CDH13: variants seen among roughly 807,000 people sequenced by gnomAD.
CDH13 encodes the protein cadherin 13, also known as cadherin-13.
A neutral mutation model predicts 63.8 loss-of-function variants in CDH13; 24 were observed. The observed-to-expected ratio is 0.38, with a 90% CI of 0.27 to 0.53. CDH13 has a LOEUF of 0.53. Among genes scored for constraint, CDH13 ranks in the 20% least tolerant of loss-of-function variants. The pLI is 0.85. For synonymous variants in CDH13, 503 were observed against 355.3 expected (o/e 1.42, Z -4.67); for missense variants, 1,049 against 903.1 (o/e 1.16, Z -2.07).
rs761474092 is a variant in CDH13 at position 83,375,732 on chromosome 16, G to A, written c.781+30726G>A. On this transcript the variant is annotated intron_variant, in intron 6 of 13. Coordinates refer to ENST00000567109, the MANE Select transcript of CDH13 (RefSeq NM_001257.5). ...GAAAGTGATTGGTAATCTGAGTCTTGAGGGAACCCCTTCTGGATAGCATGA... is the reference window on the plus strand; with the variant it reads ...GAAAGTGATTGGTAATCTGAGTCTTAAGGGAACCCCTTCTGGATAGCATGA... Among the ~76,000 whole-genome samples, 5 of 152,306 alleles carry A rather than the reference G, an allele frequency of 3.3e-5. No homozygotes were observed. In the South Asian group the frequency reaches 6.2e-4, roughly 19 times the overall value.
At chr16:83,702,005 A>G (rs1475480895) in intron 10 of CDH13, among the ~76,000 whole-genome samples, 1 of 152,200 alleles carries the variant, frequency 6.6e-6, no homozygotes, top group Non-Finnish European at 1.5e-5. Context: ...TACCTAGAGG[A>G]TTAAATAGGC....
At chr16:83,144,777 A>G (rs2036677031) in intron 4 of CDH13, among the ~76,000 whole-genome samples, 1 of 152,250 alleles carries the variant, frequency 6.6e-6, no homozygotes, top group Non-Finnish European at 1.5e-5. Context: ...AGATTCTGTG[A>G]GCAGAAGACT....
At chr16:83,658,451 C>G (rs1223386791) in intron 8 of CDH13, among the ~76,000 whole-genome samples, 3 of 145,672 alleles carry the variant, frequency 2.1e-5, no homozygotes, top group Admixed American at 1.3e-4. Flanking sequence ...CATATCCTCA[C>G]CAGCAAGGTC....
At chr16:83,080,393 A>G (rs2033148990) in intron 3 of CDH13, among the ~76,000 whole-genome samples, 1 of 152,208 alleles carries the variant, frequency 6.6e-6, no homozygotes. Context: ...GTATTTATTC[A>G]AGAATTAAAT....
At chr16:82,979,474 G>C (rs1175674841) in intron 2 of CDH13, among the ~76,000 whole-genome samples, 1 of 152,040 alleles carries the variant, frequency 6.6e-6, no homozygotes, top group South Asian at 2.1e-4. Flanking sequence ...TGGATCATGG[G>C]GGTGGTTACC....
chr16:82,710,043 A>G (rs1176536201), intron 1 of CDH13, among the ~76,000 whole-genome samples: 1 of 151,470 alleles, frequency 6.6e-6, no homozygotes, highest in Non-Finnish European at 1.5e-5. Flanking sequence ...AAATAAAAGT[A>G]TGCATACACA....
chr16:82,658,466 C>T (rs923169536), intron 1 of CDH13, among the ~76,000 whole-genome samples: 1 of 152,210 alleles, frequency 6.6e-6, no homozygotes, highest in African/African-American at 2.4e-5. Flanking sequence ...AATATACTTA[C>T]TTTTCTTCAT....
Position 83,282,286 on chromosome 16 carries a change from G to T in CDH13, c.637-62576G>T, listed in dbSNP as rs959768749. On this transcript the variant is annotated intron_variant, in intron 5 of 13. Coordinates refer to ENST00000567109, the MANE Select transcript of CDH13 (RefSeq NM_001257.5). ...AATGAAAAATGTTAAAATATTGCCA[G>T]AATTACCAAAATATGATACCAAAAC... Among the ~76,000 whole-genome samples, 5 of 152,252 alleles carry T rather than the reference G, an allele frequency of 3.3e-5. No homozygotes were observed. The East Asian group carries it at 5.8e-4, about 18-fold the overall frequency.
At chr16:83,285,290 A>T (rs772255647) in intron 5 of CDH13, among the ~76,000 whole-genome samples, 1 of 152,268 alleles carries the variant, frequency 6.6e-6, no homozygotes, top group Middle Eastern at 3.4e-3. Context: ...ACCTGGTCCT[A>T]GTCAATTTCT....
intron 13 of CDH13, among the ~76,000 whole-genome samples, chr16:83,789,291 GAGA>G (rs2151018411): frequency 6.6e-6 from 1 of 152,002 alleles, no homozygotes; most frequent in African/African-American, 2.4e-5. Context: ...GCAAGGATTG[GAGA>G]AGGAGGAGGG....
chr16:82,867,903 C>T (rs765994587), intron 2 of CDH13, among the ~76,000 whole-genome samples: 1 of 152,152 alleles, frequency 6.6e-6, no homozygotes, highest in Non-Finnish European at 1.5e-5. Flanking sequence ...TATCTGTCTA[C>T]ATTCTCTATC....
At chr16:83,350,399 C>G (rs769189174) in intron 6 of CDH13, among the ~76,000 whole-genome samples, 1 of 152,212 alleles carries the variant, frequency 6.6e-6, no homozygotes, top group Non-Finnish European at 1.5e-5. Context: ...TAAAGGTGCA[C>G]GTTCTGTGTC....
chr16:83,276,667 G>C (rs1380295587), intron 5 of CDH13, among the ~76,000 whole-genome samples: 3 of 152,006 alleles, frequency 2.0e-5, no homozygotes, highest in African/African-American at 7.3e-5. Flanking sequence ...TCGGGAGATC[G>C]AGACCATCCT....
chr16:82,784,827 C>T (rs993564505), intron 1 of CDH13, among the ~76,000 whole-genome samples: 3 of 152,228 alleles, frequency 2.0e-5, no homozygotes, highest in Non-Finnish European at 2.9e-5. Flanking sequence ...GAAGTGGGAC[C>T]AGCAGCTGAA....
intron 1 of CDH13, among the ~76,000 whole-genome samples, chr16:82,789,587 T>C (rs147019796): frequency 4.3e-4 from 65 of 152,310 alleles, no homozygotes; most frequent in African/African-American, 1.4e-3. Flanking sequence ...TGCACAAGGA[T>C]AGAAACAAAT....
chr16:82,721,894 A>G (rs1423376382), intron 1 of CDH13, among the ~76,000 whole-genome samples: 10 of 152,050 alleles, frequency 6.6e-5, no homozygotes, highest in African/African-American at 1.2e-4. Flanking sequence ...AGACTACACT[A>G]TGCTGTGGCA....
chr16:83,149,956 G>T (rs548609533), intron 4 of CDH13, among the ~76,000 whole-genome samples: 1 of 152,158 alleles, frequency 6.6e-6, no homozygotes, highest in African/African-American at 2.4e-5. Context: ...TACAAGCAGC[G>T]ATGTGAGATT....
chr16:82,749,511 G>C (rs1193559289), intron 1 of CDH13, among the ~76,000 whole-genome samples: 1 of 152,158 alleles, frequency 6.6e-6, no homozygotes, highest in Non-Finnish European at 1.5e-5. Context: ...GTGCTCTGAA[G>C]TATTACCTAG....
chr16:83,460,889 A>G (rs2073159598), intron 6 of CDH13, among the ~76,000 whole-genome samples: 1 of 149,988 alleles, frequency 6.7e-6, no homozygotes. Flanking sequence ...CTATGGTCCT[A>G]GCTGCTTGGG....
Sources: allele counts gnomAD v4.1 joint callset (sites outside exome capture counted in the v4.1 genomes callset), GRCh38; gene constraint gnomAD v4.1.1; transcripts MANE v1.5; gene names NCBI Gene and HGNC (gene_info 2026-07-23, HGNC 2026-07-21).